Variants in TFEB observed in about 807,000 individuals in gnomAD.
TFEB encodes T-cell transcription factor EB.
TFEB carries 12 observed loss-of-function variants against 48.0 expected under a neutral mutation model. The ratio of observed to expected loss-of-function variants is 0.25; its 90% CI spans 0.16 to 0.40. The LOEUF is 0.40. Among genes scored for constraint, TFEB ranks in the 10% least tolerant of loss-of-function variants. The pLI, the probability that TFEB is intolerant of heterozygous loss-of-function variation, is 1.00. For synonymous variants in TFEB, 244 were observed against 261.4 expected (o/e 0.93, Z 0.64); for missense variants, 509 against 640.3 (o/e 0.79, Z 2.21).
intron 8 of TFEB, 105 bp from the exon 9 acceptor site, chr6:41,685,183 C>T (rs1277350961): frequency 1.6e-5 from 21 of 1,306,486 alleles, no homozygotes; most frequent in Admixed American, 1.5e-4. Context: ...CCCTACGGCA[C>T]CCAAGACCCA....
chr6:41,687,253 G>C (rs192081837), intron 6 of TFEB, 84 bp from the exon 7 acceptor site: 62 of 1,259,746 alleles, frequency 4.9e-5, no homozygotes, highest in Admixed American at 3.5e-4. Context: ...CCCAGGGAGG[G>C]GTGCTTCAGG....
rs1000594867 is a variant in TFEB at position 41,723,653 on chromosome 6, C to A, written c.-23+11697G>T. The A allele has an allele frequency of 5.1e-6, 4 of 778,180 alleles. No individual in the cohort carries two copies. Among genetic ancestry groups the A allele is most frequent in the African/African-American group, 1.8e-5 (1 of 54,760 alleles). 48.2% of individuals were successfully genotyped at this position (778,180 alleles called of 1,614,324 possible). ...CACAATCCCCTGGGAGCTGCAAATG[C>A]GGCCGAGGATTACTCACAGCACAGA... On this transcript the variant is annotated intron_variant, in intron 1 of 8. Transcript: ENST00000373033. This position sits in a 1 kb window ranked among gnomAD's most constrained non-coding sequence, Gnocchi z 6.0.
chr6:41,701,974 G>A (rs1355832441), intron 1 of TFEB, among the ~76,000 whole-genome samples: 1 of 150,764 alleles, frequency 6.6e-6, no homozygotes, highest in African/African-American at 2.4e-5. Context: ...AGATTAAGCA[G>A]CTTGTCAGAA....
At chr6:41,718,277 C>T (rs1770823300) in intron 1 of TFEB, among the ~76,000 whole-genome samples, 1 of 152,044 alleles carries the variant, frequency 6.6e-6, no homozygotes, top group South Asian at 2.1e-4. Context: ...GGAATGATCA[C>T]AGCGCACTGC....
chr6:41,694,362 C>T (rs1169793336), intron 1 of TFEB, among the ~76,000 whole-genome samples: 1 of 152,142 alleles, frequency 6.6e-6, no homozygotes, highest in Non-Finnish European at 1.5e-5. Context: ...TCAGTAGCCT[C>T]AGCTACTGTC....
rs567470533 is a variant in TFEB at position 41,730,099 on chromosome 6, GA to G, written c.-23+5250del. On this transcript the variant is annotated intron_variant, in intron 1 of 8. Transcript: ENST00000373033. This position sits in a 1 kb window ranked among gnomAD's most constrained non-coding sequence, Gnocchi z 4.1. Reference sequence around the variant, plus strand: ...CAAATTTGAGAACCACTGCCCTAGAGAAAGGGCATTGGAATCATCCCAGAAA... The same window carrying G: ...CAAATTTGAGAACCACTGCCCTAGAGAAGGGCATTGGAATCATCCCAGAAA... Among the ~76,000 whole-genome samples the G allele has an allele frequency of 1.1e-4, 17 of 150,324 alleles. No homozygotes were observed. In the East Asian group the frequency reaches 3.1e-3, roughly 28 times the overall value.
chr6:41,735,526 C>G lies in TFEB; in HGVS notation c.-199G>C. 2 of 984,756 alleles carry G rather than the reference C, an allele frequency of 2.0e-6. No homozygotes were observed. Among genetic ancestry groups the G allele is most frequent in the Non-Finnish European group, 2.4e-6 (2 of 829,816 alleles). 61.0% of individuals were successfully genotyped at this position (984,756 alleles called of 1,614,324 possible). On this transcript the variant is annotated 5_prime_UTR_variant, in exon 1 of 9. Transcript: ENST00000373033. Reference sequence around the variant, plus strand: ...TTCCCGCCGCCGTCGGCGCCGCGGCCGCTCCCTGCGTCCCGCCCGGGCCGC... The same window carrying G: ...TTCCCGCCGCCGTCGGCGCCGCGGCGGCTCCCTGCGTCCCGCCCGGGCCGC...
intron 1 of TFEB, among the ~76,000 whole-genome samples, chr6:41,721,081 C>A (rs541734394): frequency 6.6e-5 from 10 of 152,176 alleles, no homozygotes; most frequent in Non-Finnish European, 1.2e-4. Flanking sequence ...TCATCGTCCC[C>A]ACCTGACACA....
chr6:41,710,456 G>A (rs2127247882), intron 1 of TFEB, among the ~76,000 whole-genome samples: 1 of 152,328 alleles, frequency 6.6e-6, no homozygotes, highest in East Asian at 1.9e-4. Context: ...ACAGAATGCA[G>A]GGATTTGGGA....
At chr6:41,701,937 T>C (rs1769946666) in intron 1 of TFEB, among the ~76,000 whole-genome samples, 2 of 134,080 alleles carry the variant, frequency 1.5e-5, no homozygotes, top group Admixed American at 7.6e-5. Flanking sequence ...AGAGCAAGGC[T>C]CCGTCTCAAA....
chr6:41,698,430 G>A (rs547591457), intron 1 of TFEB, among the ~76,000 whole-genome samples: 4 of 152,234 alleles, frequency 2.6e-5, no homozygotes, highest in Non-Finnish European at 5.9e-5. Flanking sequence ...GAGGGTGTCC[G>A]GGATGATGGA....
In TFEB at chr6:41,726,113, T is replaced by A. The variant is rs528209455; in HGVS notation, c.-23+9237A>T. ...AACAGAGCAGACTCCATCTCAAAAA[T>A]AAATAAATAATAAAAAGAAAAGAAA... On this transcript the variant is annotated intron_variant, in intron 1 of 8. Coordinates refer to ENST00000373033, the MANE Select transcript of TFEB (RefSeq NM_001271944.2). Among the ~76,000 whole-genome samples, 5 of 151,928 alleles carry A rather than the reference T, an allele frequency of 3.3e-5. No individual in the cohort carries two copies. The East Asian group carries it at 9.7e-4, about 29-fold the overall frequency.
intron 1 of TFEB, among the ~76,000 whole-genome samples, chr6:41,716,983 T>G (rs1770766005): frequency 6.6e-6 from 1 of 152,104 alleles, no homozygotes. Context: ...CCGGCCACCC[T>G]CCATGAAGGG....
At position 41,734,799 on chromosome 6, in the gene TFEB, C is replaced by T. The variant is rs1030126672; in HGVS notation, c.-23+551G>A. 4 of 779,748 alleles carry T rather than the reference C, an allele frequency of 5.1e-6. No homozygotes were observed. In the East Asian group the frequency reaches 3.8e-4, roughly 74 times the overall value. The allele number at this position is 779,748 out of a possible 1,614,324, so 48.3% of individuals were successfully genotyped here. A position where few individuals can be genotyped will look rare whatever the true frequency, so the allele number is the denominator to read the frequency against. Reference sequence around the variant, plus strand: ...AGGGAGGGAGAGATGGTACTTCCACCCGCCCCCCCATCAGCCCAGCCCCCG... The same window carrying T: ...AGGGAGGGAGAGATGGTACTTCCACTCGCCCCCCCATCAGCCCAGCCCCCG... On this transcript the variant is annotated intron_variant, in intron 1 of 8. Coordinates refer to ENST00000373033, the MANE Select transcript of TFEB (RefSeq NM_001271944.2). This position sits in a 1 kb window ranked among gnomAD's most constrained non-coding sequence, Gnocchi z 4.0.
chr6:41,719,134 T>C (rs1489411195), intron 1 of TFEB, among the ~76,000 whole-genome samples: 2 of 152,190 alleles, frequency 1.3e-5, no homozygotes, highest in Non-Finnish European at 2.9e-5. Context: ...CTATTGTGCA[T>C]TGTGCATGTG....
rs34883692 is a variant in TFEB, at chr6:41,686,508, C to CTTT, written c.804-274_804-272dup. 7.7e-3 allele frequency: 1,153 copies of CTTT among 150,524 alleles called. 2 individuals are homozygous for CTTT. Among genetic ancestry groups the CTTT allele is most frequent in the East Asian group, 0.024 (160 of 6,762 alleles). The allele number at this position is 150,524 out of a possible 1,614,324, so 9.3% of individuals were successfully genotyped here. ...CAAGACTCCAGCCCAGCCTACCTTTCTTTTTTTTTTTTTTTTTTTTGAGAT... is the reference window on the plus strand; with the variant it reads ...CAAGACTCCAGCCCAGCCTACCTTTCTTTTTTTTTTTTTTTTTTTTTTTGAGAT... On this transcript the variant is annotated intron_variant, in intron 7 of 8. Transcript: ENST00000373033.
At chr6:41,692,852 T>C (rs57379468) in intron 1 of TFEB, among the ~76,000 whole-genome samples, 5,877 of 152,284 alleles carry the variant, frequency 0.039, 367 homozygotes, top group African/African-American at 0.13. Flanking sequence ...GCAGTATGAC[T>C]TTGTGGTTGA....
intron 1 of TFEB, among the ~76,000 whole-genome samples, chr6:41,717,138 C>T (rs772443046): frequency 6.6e-5 from 10 of 152,094 alleles, no homozygotes; most frequent in Non-Finnish European, 1.2e-4. Flanking sequence ...CCCCCCAGCT[C>T]GAAAATCGTG....
At chr6:41,711,392 C>T (rs1770468630) in intron 1 of TFEB, among the ~76,000 whole-genome samples, 1 of 152,152 alleles carries the variant, frequency 6.6e-6, no homozygotes, top group African/African-American at 2.4e-5. Flanking sequence ...TGAAGGTGTG[C>T]TGACTGGTGG....
Sources: allele counts gnomAD v4.1 joint callset (sites outside exome capture counted in the v4.1 genomes callset), GRCh38; gene constraint gnomAD v4.1.1; non-coding constraint Gnocchi (gnomAD v3.1); transcripts MANE v1.5; gene names NCBI Gene and HGNC (gene_info 2026-07-23, HGNC 2026-07-21).